The following CSMD1 variants were observed in gnomAD, a reference collection of about 807,000 sequenced individuals.
CSMD1 encodes the protein CUB and sushi domain-containing protein 1.
CSMD1 carries 213 observed loss-of-function variants against 417.5 expected under a neutral mutation model. That is an observed-to-expected ratio of 0.51 (90% CI 0.46 to 0.57). CSMD1 has a LOEUF of 0.57. Among genes scored for constraint, CSMD1 ranks in the 20% least tolerant of loss-of-function variants. CSMD1 has a pLI of 0.00. For synonymous variants in CSMD1, 2,862 were observed against 1,736.8 expected (o/e 1.65, Z -16.11); for missense variants, 6,923 against 4,529.7 (o/e 1.53, Z -15.17).
intron 7 of CSMD1, among the ~76,000 whole-genome samples, chr8:3,624,660 T>A (rs1584979277): frequency 6.6e-6 from 1 of 152,328 alleles, no homozygotes; most frequent in East Asian, 1.9e-4. Context: ...TTGAAATTTT[T>A]AGTAGCAGTC....
At chr8:3,262,836 C>T (rs999938878) in intron 26 of CSMD1, among the ~76,000 whole-genome samples, 3 of 152,114 alleles carry the variant, frequency 2.0e-5, no homozygotes, top group Admixed American at 1.3e-4. Flanking sequence ...ATTCTACAAT[C>T]TACAAAAATG....
intron 10 of CSMD1, among the ~76,000 whole-genome samples, chr8:3,495,498 G>A (rs565251680): frequency 6.6e-6 from 1 of 152,224 alleles, no homozygotes; most frequent in Non-Finnish European, 1.5e-5. Flanking sequence ...AAGGTAGACA[G>A]AGAAAGTCTT....
chr8:4,837,828 T>G (rs1375466846), intron 1 of CSMD1, among the ~76,000 whole-genome samples: 1 of 152,120 alleles, frequency 6.6e-6, no homozygotes, highest in East Asian at 1.9e-4. Flanking sequence ...TGCACTTATT[T>G]GATATAGCAT....
At chr8:3,912,406 C>G (rs1461178900) in intron 5 of CSMD1, among the ~76,000 whole-genome samples, 1 of 152,088 alleles carries the variant, frequency 6.6e-6, no homozygotes, top group African/African-American at 2.4e-5. Flanking sequence ...GGTGCAGGGA[C>G]AAATAGGGTG....
chr8:4,093,292 A>C (rs966086926), intron 3 of CSMD1, among the ~76,000 whole-genome samples: 1 of 152,236 alleles, frequency 6.6e-6, no homozygotes. Context: ...AATTTATCCT[A>C]TACAATTTAA....
intron 9 of CSMD1, among the ~76,000 whole-genome samples, chr8:3,575,324 A>C (rs1400201873): frequency 6.6e-6 from 1 of 152,082 alleles, no homozygotes; most frequent in African/African-American, 2.4e-5. Flanking sequence ...TCACCAAAGG[A>C]TCTAACAGAT....
chr8:3,427,819 C>T (rs745715262), intron 12 of CSMD1, among the ~76,000 whole-genome samples: 4 of 152,164 alleles, frequency 2.6e-5, no homozygotes, highest in East Asian at 1.9e-4. Flanking sequence ...CTCTAGAGGA[C>T]CAATTGCTTC....
chr8:3,898,579 T>C (rs565913230), intron 5 of CSMD1, among the ~76,000 whole-genome samples: 5 of 152,304 alleles, frequency 3.3e-5, no homozygotes, highest in Admixed American at 6.5e-5. Context: ...AATATGAAGA[T>C]AGAAAAAAGA....
chr8:3,708,322 A>G (rs1801295814), intron 7 of CSMD1, 92 bp downstream of exon 7: 1 of 941,066 alleles, frequency 1.1e-6, no homozygotes, highest in Non-Finnish European at 1.7e-6. Context: ...AACGTGGGGA[A>G]GGTGGTGGGT....
At chr8:2,974,132 A>G (rs1047437313) in intron 56 of CSMD1, among the ~76,000 whole-genome samples, 3 of 145,056 alleles carry the variant, frequency 2.1e-5, no homozygotes, top group Non-Finnish European at 4.6e-5. Context: ...AGGGAGGGAA[A>G]ATTAACCACA....
At chr8:3,925,999 T>C (rs868800224) in intron 5 of CSMD1, among the ~76,000 whole-genome samples, 13 of 136,794 alleles carry the variant, frequency 9.5e-5, no homozygotes, top group South Asian at 7.0e-4. Context: ...ATGAAACTAA[T>C]TGTCTATTTG....
chr8:4,058,547 C>T (rs1015542191), intron 3 of CSMD1, among the ~76,000 whole-genome samples: 2 of 151,762 alleles, frequency 1.3e-5, no homozygotes, highest in African/African-American at 2.4e-5. Context: ...GCCTAATTGC[C>T]CTGGCCAGAA....
intron 1 of CSMD1, among the ~76,000 whole-genome samples, chr8:4,842,313 T>A (rs189023416): frequency 6.6e-5 from 10 of 152,338 alleles, no homozygotes; most frequent in Admixed American, 2.0e-4. Flanking sequence ...GAAAAATTAT[T>A]TACCAGAATT....
At chr8:4,434,910 G>C (rs569311511) in intron 2 of CSMD1, among the ~76,000 whole-genome samples, 1 of 152,132 alleles carries the variant, frequency 6.6e-6, no homozygotes, top group African/African-American at 2.4e-5. Context: ...GTCAGCACAT[G>C]ACTCTGCATG....
chr8:4,025,303 G>A (rs1014319903), intron 4 of CSMD1, among the ~76,000 whole-genome samples: 5 of 152,124 alleles, frequency 3.3e-5, no homozygotes, highest in Non-Finnish European at 7.3e-5. Flanking sequence ...CCACACAGTG[G>A]ACCATCTTTC....
At chr8:3,949,694 T>C (rs1811479827) in intron 5 of CSMD1, among the ~76,000 whole-genome samples, 1 of 152,064 alleles carries the variant, frequency 6.6e-6, no homozygotes, top group African/African-American at 2.4e-5. Flanking sequence ...AGGAATATTA[T>C]AAGGGCACAT....
intron 5 of CSMD1, among the ~76,000 whole-genome samples, chr8:3,883,214 T>C (rs371019672): frequency 2.0e-5 from 3 of 152,120 alleles, no homozygotes; most frequent in African/African-American, 7.2e-5. Context: ...TAGATACGTG[T>C]CCTTGAATGA....
chr8:3,611,408 G>C (rs959857737), intron 8 of CSMD1, among the ~76,000 whole-genome samples: 1 of 152,048 alleles, frequency 6.6e-6, no homozygotes, highest in African/African-American at 2.4e-5. Flanking sequence ...AGTTGAGCTG[G>C]CTGCTTGCTT....
At chr8:3,406,335 T>G (rs1812340076) in intron 14 of CSMD1, 114 bp from the exon 15 acceptor site, 1 of 776,272 alleles carries the variant, frequency 1.3e-6, no homozygotes, top group African/African-American at 1.8e-5. Flanking sequence ...TGTATATAAT[T>G]ATATAAATTT....
Sources: allele counts gnomAD v4.1 joint callset (sites outside exome capture counted in the v4.1 genomes callset), GRCh38; gene constraint gnomAD v4.1.1; transcripts MANE v1.5; gene names NCBI Gene and HGNC (gene_info 2026-07-23, HGNC 2026-07-21).